The following WDPCP variants were observed in gnomAD, a reference collection of about 807,000 sequenced individuals.
The protein encoded by WDPCP is WD repeat containing planar cell polarity effector.
A neutral mutation model predicts 93.1 loss-of-function variants in WDPCP; 71 were observed. The observed-to-expected ratio is 0.76, with a 90% confidence interval of 0.63 to 0.93. WDPCP has a LOEUF of 0.93. Ranked by LOEUF, WDPCP falls within the 40% of genes least tolerant of loss-of-function variation. The probability of loss-of-function intolerance (pLI) is 0.00; values close to 1 mark genes in which losing one functional copy is unlikely to be tolerated. For synonymous variants in WDPCP, 315 were observed against 315.0 expected (o/e 1.00, Z 0.00); for missense variants, 844 against 887.4 (o/e 0.95, Z 0.62).
chr2:63,638,732 T>G (rs1162571069), intron 3 of WDPCP, among the ~76,000 whole-genome samples: 1 of 150,922 alleles, frequency 6.6e-6, no homozygotes, highest in Non-Finnish European at 1.5e-5. Context: ...GAGGTTGCAG[T>G]GAGTCGTGAT....
intron 1 of WDPCP, among the ~76,000 whole-genome samples, chr2:63,566,975 G>A (rs78816695): frequency 0.016 from 2,496 of 152,166 alleles, 80 homozygotes; most frequent in African/African-American, 0.057. Context: ...AGATGCACAG[G>A]GCAAATGGCA....
chr2:63,390,688 G>C (rs941141915), intron 10 of WDPCP, among the ~76,000 whole-genome samples: 1 of 152,066 alleles, frequency 6.6e-6, no homozygotes, highest in Non-Finnish European at 1.5e-5. Context: ...CAATCAAATA[G>C]ATGCAATAAA....
chr2:63,157,238 T>G (rs889561205), intron 15 of WDPCP, among the ~76,000 whole-genome samples: 4 of 152,006 alleles, frequency 2.6e-5, no homozygotes, highest in African/African-American at 4.8e-5. Flanking sequence ...ATTATTTTTA[T>G]ATATTACTAA....
intron 2 of WDPCP, among the ~76,000 whole-genome samples, chr2:63,656,328 C>T (rs1240843437): frequency 2.0e-5 from 3 of 152,188 alleles, no homozygotes; most frequent in Non-Finnish European, 4.4e-5. Flanking sequence ...GTGGGTCAGG[C>T]TTGGTTGGCC....
At chr2:63,269,539 A>C (rs1404587341) in intron 13 of WDPCP, among the ~76,000 whole-genome samples, 1 of 152,182 alleles carries the variant, frequency 6.6e-6, no homozygotes. Flanking sequence ...TTTACAGCAA[A>C]AAAAGCATTT....
intron 1 of WDPCP, among the ~76,000 whole-genome samples, chr2:63,544,587 A>G (rs1339634622): frequency 6.6e-6 from 1 of 152,046 alleles, no homozygotes; most frequent in African/African-American, 2.4e-5. Flanking sequence ...GTGGCCTACC[A>G]TTTTCATGGG....
chr2:63,374,754 G>C (rs1008008148), intron 12 of WDPCP, among the ~76,000 whole-genome samples: 3 of 151,978 alleles, frequency 2.0e-5, no homozygotes, highest in South Asian at 2.1e-4. Context: ...TTCCAACATA[G>C]AGCAAAGTTA....
intron 12 of WDPCP, among the ~76,000 whole-genome samples, chr2:63,345,338 G>C (rs1459984134): frequency 6.6e-6 from 1 of 152,148 alleles, no homozygotes; most frequent in Non-Finnish European, 1.5e-5. Flanking sequence ...GTGACATAAG[G>C]CACTTTAGTT....
intron 13 of WDPCP, among the ~76,000 whole-genome samples, chr2:63,309,394 G>T (rs1269478670): frequency 6.6e-6 from 1 of 152,168 alleles, no homozygotes; most frequent in Non-Finnish European, 1.5e-5. Flanking sequence ...GGTGGTGCAT[G>T]CCTGTAATCC....
chr2:63,473,782 T>C (rs1345865393), intron 6 of WDPCP, among the ~76,000 whole-genome samples: 2 of 152,234 alleles, frequency 1.3e-5, no homozygotes, highest in African/African-American at 4.8e-5. Flanking sequence ...AATATAGCTT[T>C]AATTACCCAT....
At position 63,408,227 on chromosome 2, in the gene WDPCP, G is replaced by A. The variant is rs567838964; in HGVS notation, c.826-3570C>T. ...TCTCTGAAGGAAGCGGACTGCTCCT[G>A]CAGGACCCAGGAGACACCCCAAATA... On this transcript the variant is annotated intron_variant, in intron 9 of 17. Transcript: ENST00000272321. 2.0e-4 allele frequency among the ~76,000 whole-genome samples: 31 copies of A among 152,270 alleles called. No homozygotes were observed. The South Asian group carries it at 5.2e-3, about 25-fold the overall frequency.
chr2:63,554,878 T>C (rs373802917), intron 1 of WDPCP, among the ~76,000 whole-genome samples: 2 of 151,994 alleles, frequency 1.3e-5, no homozygotes, highest in East Asian at 3.9e-4. Flanking sequence ...ACCTGGGAGC[T>C]ACATGGGGGA....
intron 2 of WDPCP, among the ~76,000 whole-genome samples, chr2:63,733,384 A>G (rs1239917510): frequency 3.4e-5 from 5 of 148,936 alleles, no homozygotes. Flanking sequence ...TATTTTTTTT[A>G]GTAGAGACGG....
chr2:63,780,506 CT>C (rs1670370808), intron 2 of WDPCP, among the ~76,000 whole-genome samples: 1 of 152,114 alleles, frequency 6.6e-6, no homozygotes, highest in South Asian at 2.1e-4. Context: ...CATTATTATC[CT>C]CAATTATAGA....
At chr2:63,696,356 T>C (rs1047706288) in intron 2 of WDPCP, among the ~76,000 whole-genome samples, 6 of 152,148 alleles carry the variant, frequency 3.9e-5, no homozygotes, top group African/African-American at 1.4e-4. Context: ...AGCTTTGTTG[T>C]ATAAAGTTGT....
chr2:63,751,760 T>C, intron 2 of WDPCP: 1 of 591,468 alleles, frequency 1.7e-6, no homozygotes, highest in Non-Finnish European at 3.2e-6. Context: ...GGTTTTGTGG[T>C]TTGGCAAAGT....
intron 2 of WDPCP, among the ~76,000 whole-genome samples, chr2:63,751,257 G>A (rs1292863260): frequency 6.6e-6 from 1 of 151,784 alleles, no homozygotes; most frequent in African/African-American, 2.4e-5. Flanking sequence ...TTTTAGTAAT[G>A]GTATCTTATT....
chr2:63,442,553 C>T (rs1558641067), intron 6 of WDPCP: 1 of 152,118 alleles, frequency 6.6e-6, no homozygotes, highest in African/African-American at 2.4e-5. Flanking sequence ...ACTCTGAGCA[C>T]ATTTGTCTTT....
chr2:63,260,054 G>T (rs1002634996), intron 13 of WDPCP, among the ~76,000 whole-genome samples: 3 of 152,190 alleles, frequency 2.0e-5, no homozygotes, highest in Non-Finnish European at 4.4e-5. Flanking sequence ...ACTGATCTCT[G>T]ATGGTAGTCT....
Sources: gnomAD v4.1 joint callset for allele counts (sites outside exome capture counted in the v4.1 genomes callset) on GRCh38, gnomAD v4.1.1 for gene constraint, MANE v1.5 for transcripts, NCBI Gene and HGNC (gene_info 2026-07-23, HGNC 2026-07-21) for gene names.